The following ZFHX3 variants were observed in gnomAD, a reference collection of about 807,000 sequenced individuals.
The protein encoded by ZFHX3 is zinc finger homeobox protein 3.
In ZFHX3, 42 loss-of-function variants were observed where a neutral mutation model predicts 279.1. The observed-to-expected ratio is 0.15, with a 90% CI of 0.12 to 0.19. The LOEUF (loss-of-function observed/expected upper bound fraction) is 0.19, where lower values mean the gene tolerates loss of function less well. ZFHX3 is among the 10% of genes least tolerant of loss of function. The probability of loss-of-function intolerance (pLI) is 1.00; values close to 1 mark genes in which losing one functional copy is unlikely to be tolerated. For missense variants in ZFHX3, 4,981 were observed against 4,754.0 expected (o/e 1.05, Z -1.40); for synonymous variants, 2,293 against 1,957.8 (o/e 1.17, Z -4.52).
chr16:73,871,999 AT>A (rs558614339), intron 1 of ZFHX3, among the ~76,000 whole-genome samples: 5 of 152,214 alleles, frequency 3.3e-5, no homozygotes, highest in African/African-American at 7.2e-5. Context: ...GTCACCGAGT[AT>A]TTTTTATAGG....
chr16:73,580,117 G>A lies in ZFHX3; in HGVS notation c.-1547+100063C>T, dbSNP rs372322770. On this transcript the variant is annotated intron_variant, in intron 2 of 17. Transcript: ENST00000641206. ...TGAAGAAATAATTATTCTATTAGGT[G>A]TCTTAAAATAGTGATCATATAATTT... 1.6e-4 allele frequency among the ~76,000 whole-genome samples: 25 copies of A among 151,620 alleles called. No homozygotes were observed. The South Asian group carries it at 5.0e-3, about 30-fold the overall frequency.
At chr16:73,435,631 G>A (rs2017984052) in intron 3 of ZFHX3, among the ~76,000 whole-genome samples, 2 of 152,318 alleles carry the variant, frequency 1.3e-5, no homozygotes, top group South Asian at 2.1e-4. Flanking sequence ...ATTGTCAAAT[G>A]TTCCCTGAAG....
chr16:72,983,897 C>G (rs1052736212), intron 1 of ZFHX3, among the ~76,000 whole-genome samples: 1 of 152,182 alleles, frequency 6.6e-6, no homozygotes, highest in African/African-American at 2.4e-5. Context: ...TGGTCTGATA[C>G]TAAAGTCATA....
chr16:72,998,412 A>C (rs977836303), intron 1 of ZFHX3, among the ~76,000 whole-genome samples: 7 of 152,316 alleles, frequency 4.6e-5, no homozygotes, highest in South Asian at 2.1e-4. Flanking sequence ...AAAAATAATA[A>C]TACTAATAAG....
intron 4 of ZFHX3, among the ~76,000 whole-genome samples, chr16:72,872,785 T>C (rs1024210305): frequency 1.3e-5 from 2 of 152,156 alleles, no homozygotes; most frequent in African/African-American, 4.8e-5. Flanking sequence ...AAATCTATGA[T>C]ATTCACACTC....
At chr16:73,030,207 T>A (rs555290461) in intron 1 of ZFHX3, among the ~76,000 whole-genome samples, 2 of 152,222 alleles carry the variant, frequency 1.3e-5, no homozygotes, top group Admixed American at 6.5e-5. Flanking sequence ...AGGGCAAGAG[T>A]GGCCTGGAGA....
At chr16:72,815,274 G>C (rs2036573382) in intron 5 of ZFHX3, among the ~76,000 whole-genome samples, 1 of 152,094 alleles carries the variant, frequency 6.6e-6, no homozygotes, top group African/African-American at 2.4e-5. Flanking sequence ...CAGGCGTGGT[G>C]GCAAGTGCTT....
intron 4 of ZFHX3, among the ~76,000 whole-genome samples, chr16:73,259,186 C>T (rs2013746780): frequency 6.6e-6 from 1 of 152,188 alleles, no homozygotes; most frequent in Non-Finnish European, 1.5e-5. Flanking sequence ...TGAGCGTTTC[C>T]CTAGGAAACA....
intron 3 of ZFHX3, among the ~76,000 whole-genome samples, chr16:73,405,545 G>C (rs2143444517): frequency 6.6e-6 from 1 of 152,046 alleles, no homozygotes. Context: ...AACACAGATA[G>C]AGGGAAACAG....
exon 1 of ZFHX3, chr16:73,058,675 CGGCGGCGGAGGACGCGCTGCT>C (rs1349456890): frequency 4.4e-6 from 1 of 228,158 alleles, no homozygotes; most frequent in Non-Finnish European, 8.2e-6. Context: ...CGGGGGTCGG[CGGCGGCGGAGGACGCGCTGCT>C]GGCGGCGGCG....
intron 1 of ZFHX3, among the ~76,000 whole-genome samples, chr16:73,047,293 G>A (rs1965333271): frequency 6.6e-6 from 1 of 152,082 alleles, no homozygotes; most frequent in Non-Finnish European, 1.5e-5. Context: ...TTAGAGGGTG[G>A]ACAAGATGAT....
At position 73,034,240 on chromosome 16, in the gene ZFHX3, C is replaced by T. The variant is rs370726730; in HGVS notation, c.-50+13512G>A. ...CTCCAATGGGAGACGCCCACTGGTC[C>T]TCGACTAGGGAAGGTTTCCATTCCG... On this transcript the variant is annotated intron_variant, in intron 1 of 9. Coordinates refer to ENST00000268489, the MANE Select transcript of ZFHX3 (RefSeq NM_006885.4). Among the ~76,000 whole-genome samples the T allele has an allele frequency of 1.1e-4, 17 of 152,216 alleles. 1 individual carries two copies. In the South Asian group the frequency reaches 3.5e-3, roughly 32 times the overall value.
intron 3 of ZFHX3, among the ~76,000 whole-genome samples, chr16:73,446,855 T>A (rs1395568124): frequency 6.6e-6 from 1 of 151,984 alleles, no homozygotes; most frequent in Non-Finnish European, 1.5e-5. Flanking sequence ...ACCTATATAA[T>A]AAACCTGCAC....
At chr16:72,883,539 A>G (rs566107931) in intron 4 of ZFHX3, among the ~76,000 whole-genome samples, 1 of 152,340 alleles carries the variant, frequency 6.6e-6, no homozygotes, top group South Asian at 2.1e-4. Context: ...TAAAAGCTGT[A>G]AGAAAAATAC....
At chr16:72,972,944 T>C (rs1428507233) in intron 1 of ZFHX3, among the ~76,000 whole-genome samples, 1 of 152,226 alleles carries the variant, frequency 6.6e-6, no homozygotes, top group Non-Finnish European at 1.5e-5. Flanking sequence ...TGTTCTCCTG[T>C]AGGTATTTAA....
intron 4 of ZFHX3, among the ~76,000 whole-genome samples, chr16:72,884,129 G>A (rs1177639032): frequency 6.6e-6 from 1 of 152,004 alleles, no homozygotes; most frequent in Non-Finnish European, 1.5e-5. Context: ...TATATTCTTG[G>A]TCTCTTAACT....
chr16:72,912,827 C>T (rs1313271557), intron 3 of ZFHX3, among the ~76,000 whole-genome samples: 6 of 152,276 alleles, frequency 3.9e-5, no homozygotes, highest in East Asian at 1.9e-4. Context: ...CAGGTTCAAG[C>T]GACTTCCCGG....
chr16:72,860,852 C>T (rs1003263669), intron 4 of ZFHX3, among the ~76,000 whole-genome samples: 1 of 152,208 alleles, frequency 6.6e-6, no homozygotes, highest in East Asian at 1.9e-4. Context: ...TCGATCTTTG[C>T]GCAAGCCTGG....
intron 2 of ZFHX3, among the ~76,000 whole-genome samples, chr16:73,505,535 C>T (rs1597361915): frequency 6.7e-6 from 1 of 150,318 alleles, no homozygotes; most frequent in African/African-American, 2.5e-5. Flanking sequence ...TAGGCGATGA[C>T]TAAAGCTGAA....
Sources: gnomAD v4.1 joint callset for allele counts (sites outside exome capture counted in the v4.1 genomes callset) on GRCh38, gnomAD v4.1.1 for gene constraint, MANE v1.5 for transcripts, NCBI Gene and HGNC (gene_info 2026-07-23, HGNC 2026-07-21) for gene names.